ADAMTS14: variants seen among roughly 807,000 people sequenced by gnomAD.
ADAMTS14 encodes the protein A disintegrin and metalloproteinase with thrombospondin motifs 14.
Under a neutral mutation model 128.6 loss-of-function variants are expected in ADAMTS14, and 100 were observed. That is an observed-to-expected ratio of 0.78 (90% CI 0.66 to 0.92). ADAMTS14 has a LOEUF of 0.92. Among genes scored for constraint, ADAMTS14 ranks in the 40% least tolerant of loss-of-function variants. The pLI is 0.00. For synonymous variants in ADAMTS14, 665 were observed against 653.8 expected, an observed-to-expected ratio of 1.02 and a Z score of -0.26; for missense variants, 1,562 against 1,658.6, an observed-to-expected ratio of 0.94 and a Z score of 1.01.
chr10:70,697,897 T>C (rs1263042118), intron 2 of ADAMTS14, among the ~76,000 whole-genome samples: 2 of 152,190 alleles, frequency 1.3e-5, no homozygotes, highest in Admixed American at 1.3e-4. Context: ...TGTTGGAGAA[T>C]CCACAGTCCT....
Position 70,738,955 on chromosome 10 carries a change from G to GGT in ADAMTS14, c.1715_1716dup (p.Arg573CysfsTer21). 1 of 1,613,270 alleles carries GGT rather than the reference G, an allele frequency of 6.2e-7. No homozygotes were observed. Among genetic ancestry groups the GGT allele is most frequent in the Non-Finnish European group, 8.5e-7 (1 of 1,179,452 alleles). On this transcript the variant is annotated frameshift_variant, in exon 11 of 22. Transcript: ENST00000373207. LOFTEE classifies it high-confidence loss of function. Reference sequence around the variant, plus strand: ...CATGTTCGCGGTCATGTGGGGGCGGGGTGCGATCCCGCAGCCGGAGCTGCA... The same window carrying GGT: ...CATGTTCGCGGTCATGTGGGGGCGGGGTGTGCGATCCCGCAGCCGGAGCTGCA...
intron 4 of ADAMTS14, among the ~76,000 whole-genome samples, chr10:70,715,284 C>T (rs1841003044): frequency 6.6e-6 from 1 of 152,150 alleles, no homozygotes; most frequent in Non-Finnish European, 1.5e-5. Context: ...TGCTGGGGTT[C>T]CAAATGGGCC....
chr10:70,731,641 C>T (rs908885133), intron 6 of ADAMTS14, among the ~76,000 whole-genome samples: 1 of 152,214 alleles, frequency 6.6e-6, no homozygotes, highest in Non-Finnish European at 1.5e-5. Context: ...AGCTGTCCTT[C>T]ACTGCCCTCC....
chr10:70,754,314 G>A lies in ADAMTS14; in HGVS notation c.2937+307G>A, dbSNP rs547071528. Among the ~76,000 whole-genome samples, 13 of 152,328 alleles carry A rather than the reference G, an allele frequency of 8.5e-5. No homozygotes were observed. The South Asian group carries it at 2.1e-3, about 24-fold the overall frequency. The stretch of plus-strand genomic sequence containing the variant: ...CAGAAATACTTGCTGAGCACTAGCT[G>A]TATGCCAGACCTTGTACTAAGAATG... On this transcript the variant is annotated intron_variant, in intron 19 of 21. Transcript: ENST00000373207.
At chr10:70,718,158 C>T (rs758946092) in intron 4 of ADAMTS14, among the ~76,000 whole-genome samples, 18 of 152,300 alleles carry the variant, frequency 1.2e-4, no homozygotes, top group East Asian at 1.2e-3. Context: ...TTCCTGCTGA[C>T]GGAGAGTGTG....
chr10:70,710,768 A>G (rs1047805526), intron 4 of ADAMTS14, among the ~76,000 whole-genome samples: 7 of 152,234 alleles, frequency 4.6e-5, no homozygotes, highest in East Asian at 3.8e-4. Context: ...CGCATGGTGC[A>G]CAGCATGGCC....
intron 15 of ADAMTS14, among the ~76,000 whole-genome samples, chr10:70,748,498 C>T (rs992525188): frequency 2.6e-5 from 4 of 152,140 alleles, no homozygotes; most frequent in African/African-American, 7.2e-5. Context: ...CAGGAAGGGG[C>T]GAGGCTCTTC....
intron 12 of ADAMTS14, among the ~76,000 whole-genome samples, chr10:70,742,752 T>G (rs1300011119): frequency 2.0e-5 from 3 of 152,220 alleles, no homozygotes; most frequent in Non-Finnish European, 2.9e-5. Context: ...CCCAACTTCC[T>G]TTTTTCTAAG....
chr10:70,746,456 G>A (rs1011999034), intron 15 of ADAMTS14, among the ~76,000 whole-genome samples: 2 of 152,190 alleles, frequency 1.3e-5, no homozygotes, highest in African/African-American at 4.8e-5. Context: ...TGGGTATCAG[G>A]TTTCTTTTTG....
intron 6 of ADAMTS14, 145 bp downstream of exon 6, chr10:70,730,394 C>T (rs543277856): frequency 1.7e-6 from 2 of 1,179,802 alleles, no homozygotes; most frequent in Admixed American, 2.8e-5. Context: ...CGAGGATGAG[C>T]TTTGCAATGG....
intron 2 of ADAMTS14, among the ~76,000 whole-genome samples, chr10:70,679,657 G>A (rs1190946828): frequency 1.3e-5 from 2 of 152,260 alleles, no homozygotes; most frequent in African/African-American, 4.8e-5. Context: ...CTGCGACGGG[G>A]TGACGGGAGC....
chr10:70,711,820 A>C (rs1181452422), intron 4 of ADAMTS14, among the ~76,000 whole-genome samples: 1 of 152,110 alleles, frequency 6.6e-6, no homozygotes, highest in Non-Finnish European at 1.5e-5. Flanking sequence ...GGTGGCCGGC[A>C]CCCATTGAGA....
intron 21 of ADAMTS14, among the ~76,000 whole-genome samples, chr10:70,758,868 G>T (rs892407420): frequency 6.6e-6 from 1 of 152,056 alleles, no homozygotes; most frequent in Non-Finnish European, 1.5e-5. Flanking sequence ...ATCCACCCAC[G>T]GATAGATATT....
chr10:70,740,978 C>G lies in ADAMTS14; in HGVS notation c.1749-9C>G, dbSNP rs1841977626. ...AGCAAGGTCATCCATTTCTCTGTGT[C>G]TGTCCCAGCCCAGCCTATGGAGGCC... On this transcript the variant is annotated splice_polypyrimidine_tract_variant and intron_variant, in intron 11 of 21. Coordinates refer to ENST00000373207, the MANE Select transcript of ADAMTS14 (RefSeq NM_080722.4). The G allele has an allele frequency of 1.9e-6, 3 of 1,612,932 alleles. No homozygotes were observed. The highest frequency in any genetic ancestry group is 2.5e-6 in the Non-Finnish European group (3 of 1,179,110).
chr10:70,746,830 G>C (rs1269869648), intron 15 of ADAMTS14, among the ~76,000 whole-genome samples: 2 of 152,134 alleles, frequency 1.3e-5, no homozygotes, highest in African/African-American at 4.8e-5. Context: ...CTGGTTCAGA[G>C]CAGGGTCCCG....
chr10:70,741,065 C>A lies in ADAMTS14; in HGVS notation c.1827C>A (p.Thr609=). 2 of 1,614,028 alleles carry A rather than the reference C, an allele frequency of 1.2e-6. No individual in the cohort carries two copies. The highest frequency in any genetic ancestry group is 1.7e-6 in the Non-Finnish European group (2 of 1,180,006). Residue 609 remains threonine, a synonymous_variant, in exon 12 of 22, where the codon ACC becomes ACA. Coordinates refer to ENST00000373207, the MANE Select transcript of ADAMTS14 (RefSeq NM_080722.4). ...GCAACAGCGAGGAGTGCCCTGGGAC[C>A]TACGAGGACTTCCGGGCCCAGCAGT... The part of the protein sequence containing the change: ...QVCNSEECPG[T]YEDFRAQQCA...
rs115655500 is a variant in ADAMTS14 at position 70,710,027 on chromosome 10, G to T, written c.870+1249G>T. 7.4e-3 allele frequency among the ~76,000 whole-genome samples: 1,127 copies of T among 152,316 alleles called. 18 individuals are homozygous for T. Among genetic ancestry groups the T allele is most frequent in the African/African-American group, 0.026 (1,072 of 41,568 alleles). On this transcript the variant is annotated intron_variant, in intron 4 of 21. Transcript: ENST00000373207. ...CTGTCTGGGTGAGGTGAGACCCAAGGTAGAAATAGTGCAGGCAGGGGCCAG... is the reference window on the plus strand; with the variant it reads ...CTGTCTGGGTGAGGTGAGACCCAAGTTAGAAATAGTGCAGGCAGGGGCCAG...
At chr10:70,729,520 G>C in intron 5 of ADAMTS14, 143 bp downstream of exon 5, 1 of 733,976 alleles carries the variant, frequency 1.4e-6, no homozygotes, top group Non-Finnish European at 2.3e-6. Flanking sequence ...TAGAATTGTG[G>C]CTTCAGTGAT....
chr10:70,679,724 C>T (rs1024591030), intron 2 of ADAMTS14, among the ~76,000 whole-genome samples: 4 of 152,226 alleles, frequency 2.6e-5, no homozygotes, highest in South Asian at 4.1e-4. Context: ...CAGGGCCTGG[C>T]GCGGAAGCAG....
Sources: gnomAD v4.1 joint callset for allele counts (sites outside exome capture counted in the v4.1 genomes callset) on GRCh38, gnomAD v4.1.1 for gene constraint, MANE v1.5 for transcripts, NCBI Gene and HGNC (gene_info 2026-07-23, HGNC 2026-07-21) for gene names.